GRIA4: variants seen among roughly 807,000 people sequenced by gnomAD.
GRIA4 encodes glutamate receptor 4.
In GRIA4, 34 loss-of-function variants were observed where a neutral mutation model predicts 104.0. That is an observed-to-expected ratio of 0.33 (90% CI 0.25 to 0.44). The LOEUF (loss-of-function observed/expected upper bound fraction) is 0.44. Among genes scored for constraint, GRIA4 ranks in the 20% least tolerant of loss-of-function variants. The pLI is 1.00. For missense variants in GRIA4, 750 were observed against 1,096.5 expected, an observed-to-expected ratio of 0.68 and a Z score of 4.46; for synonymous variants, 386 against 381.9, an observed-to-expected ratio of 1.01 and a Z score of -0.13.
At chr11:105,745,544 A>C (rs147516698) in intron 3 of GRIA4, among the ~76,000 whole-genome samples, 1 of 152,214 alleles carries the variant, frequency 6.6e-6, no homozygotes, top group Non-Finnish European at 1.5e-5. Context: ...ACAGAAATGC[A>C]GTTCTAAGCC....
intron 5 of GRIA4, among the ~76,000 whole-genome samples, chr11:105,869,273 G>C (rs1945534653): frequency 6.6e-6 from 1 of 152,090 alleles, no homozygotes; most frequent in Admixed American, 6.6e-5. Context: ...GATTAGGTTA[G>C]GTTCAACTAA....
At chr11:105,705,531 G>A (rs1400266681) in intron 3 of GRIA4, among the ~76,000 whole-genome samples, 1 of 151,810 alleles carries the variant, frequency 6.6e-6, no homozygotes, top group Non-Finnish European at 1.5e-5. Flanking sequence ...AATCTCCCCA[G>A]TACATAAAGA....
At chr11:105,858,224 A>G (rs1258953261) in intron 4 of GRIA4, among the ~76,000 whole-genome samples, 6 of 152,110 alleles carry the variant, frequency 3.9e-5, no homozygotes, top group Admixed American at 3.9e-4. Context: ...ATTACTTTGA[A>G]TTTATTTATA....
intron 4 of GRIA4, among the ~76,000 whole-genome samples, chr11:105,840,149 T>C (rs1944341368): frequency 6.6e-6 from 1 of 152,230 alleles, no homozygotes; most frequent in African/African-American, 2.4e-5. Flanking sequence ...ATAATATTAC[T>C]ATATTTCAAA....
chr11:105,699,912 T>G (rs933812537), intron 3 of GRIA4, among the ~76,000 whole-genome samples: 3 of 152,194 alleles, frequency 2.0e-5, no homozygotes, highest in African/African-American at 7.2e-5. Flanking sequence ...GTTTATCACC[T>G]GTCTTCAACT....
At chr11:105,745,046 G>C (rs1347511542) in intron 3 of GRIA4, among the ~76,000 whole-genome samples, 1 of 151,994 alleles carries the variant, frequency 6.6e-6, no homozygotes, top group Non-Finnish European at 1.5e-5. Context: ...CTCTAATCTA[G>C]TGGACTAAAT....
intron 4 of GRIA4, among the ~76,000 whole-genome samples, chr11:105,788,738 C>T (rs1942084648): frequency 6.6e-6 from 1 of 151,808 alleles, no homozygotes; most frequent in Non-Finnish European, 1.5e-5. Context: ...ACTGGGGACT[C>T]CAAAAGGGAT....
At chr11:105,734,940 A>T (rs933825357) in intron 3 of GRIA4, among the ~76,000 whole-genome samples, 3 of 152,204 alleles carry the variant, frequency 2.0e-5, no homozygotes, top group Admixed American at 1.3e-4. Context: ...CTAAGAGTAG[A>T]TGCTCAATAT....
chr11:105,781,647 T>C (rs959864901), intron 4 of GRIA4, among the ~76,000 whole-genome samples: 3 of 152,152 alleles, frequency 2.0e-5, no homozygotes, highest in Non-Finnish European at 2.9e-5. Context: ...TTGGTATTCG[T>C]TCAATTTATA....
intron 3 of GRIA4, among the ~76,000 whole-genome samples, chr11:105,697,451 G>T (rs1223887098): frequency 6.6e-6 from 1 of 152,190 alleles, no homozygotes; most frequent in Non-Finnish European, 1.5e-5. Context: ...AAAAGGTGGG[G>T]CAAAGGTGGA....
At chr11:105,636,884 A>T (rs1230654317) in intron 3 of GRIA4, among the ~76,000 whole-genome samples, 1 of 152,166 alleles carries the variant, frequency 6.6e-6, no homozygotes, top group Non-Finnish European at 1.5e-5. Flanking sequence ...GCTACCATCA[A>T]ACCATCCCAT....
intron 14 of GRIA4, among the ~76,000 whole-genome samples, chr11:105,947,074 T>C (rs1948333551): frequency 6.6e-6 from 1 of 152,200 alleles, no homozygotes; most frequent in Non-Finnish European, 1.5e-5. Flanking sequence ...GGAACTTACA[T>C]GAAAAGACTC....
At chr11:105,758,258 T>A (rs1298741637) in intron 4 of GRIA4, among the ~76,000 whole-genome samples, 2 of 152,058 alleles carry the variant, frequency 1.3e-5, no homozygotes, top group Non-Finnish European at 2.9e-5. Flanking sequence ...ATTTTCTTTT[T>A]TTTTGCTTTG....
At chr11:105,678,870 T>A (rs1288288330) in intron 3 of GRIA4, among the ~76,000 whole-genome samples, 1 of 152,116 alleles carries the variant, frequency 6.6e-6, no homozygotes, top group Non-Finnish European at 1.5e-5. Flanking sequence ...TTTTTCAGGA[T>A]GAAGTGGTCA....
rs373334457 is a variant in GRIA4 at position 105,931,265 on chromosome 11, TACACAC to T, written c.2047-2424_2047-2419del. Among the ~76,000 whole-genome samples, 322 of 143,772 alleles carry T rather than the reference TACACAC, an allele frequency of 2.2e-3. 2 individuals are homozygous for T. The highest frequency in any genetic ancestry group is 0.018 in the East Asian group (88 of 4,856). The allele number at this position is 143,772 out of a possible 152,430, so 94.3% of individuals were successfully genotyped here. ...CAGAAGTATCCTGTCATTGCCTAAA[TACACAC>T]ACACACACACACACACACACACACA... is the stretch of plus-strand genomic sequence containing the variant. On this transcript the variant is annotated intron_variant, in intron 13 of 16. Coordinates refer to ENST00000282499, the MANE Select transcript of GRIA4 (RefSeq NM_000829.4).
chr11:105,920,610 A>G (rs553555291), intron 11 of GRIA4, among the ~76,000 whole-genome samples: 8 of 152,156 alleles, frequency 5.3e-5, no homozygotes, highest in Non-Finnish European at 1.2e-4. Flanking sequence ...AAAATTGTTT[A>G]AATAATGAAA....
chr11:105,831,933 T>C (rs890831535), intron 4 of GRIA4, among the ~76,000 whole-genome samples: 5 of 151,980 alleles, frequency 3.3e-5, no homozygotes, highest in African/African-American at 9.7e-5. Context: ...TAAATAGCAA[T>C]GTAAAACCCA....
chr11:105,930,101 G>C (rs535247322), intron 13 of GRIA4, among the ~76,000 whole-genome samples: 68 of 152,178 alleles, frequency 4.5e-4, no homozygotes, highest in African/African-American at 1.6e-3. Flanking sequence ...ATTTGATACA[G>C]AGACCTACTG....
At chr11:105,976,565 C>A (rs957399463) in intron 16 of GRIA4, among the ~76,000 whole-genome samples, 1 of 151,954 alleles carries the variant, frequency 6.6e-6, no homozygotes, top group Non-Finnish European at 1.5e-5. Context: ...CTGTGCCTGT[C>A]AAAACTTATA....
Sources: allele counts gnomAD v4.1 joint callset (sites outside exome capture counted in the v4.1 genomes callset), GRCh38; gene constraint gnomAD v4.1.1; transcripts MANE v1.5; gene names NCBI Gene and HGNC (gene_info 2026-07-23, HGNC 2026-07-21).